ANKRD36: variants seen among roughly 807,000 people sequenced by gnomAD.
ANKRD36 encodes ankyrin repeat domain 36, also known as ankyrin repeat domain-containing protein 36A.
In ANKRD36, 179 loss-of-function variants were observed where a neutral mutation model predicts 278.1. That is an observed-to-expected ratio of 0.64 (90% confidence interval 0.57 to 0.73). The LOEUF is 0.73. Among genes scored for constraint, ANKRD36 ranks in the 30% least tolerant of loss-of-function variants. ANKRD36 has a pLI of 0.00. For synonymous variants in ANKRD36, 320 were observed against 641.1 expected (o/e 0.50, Z 7.57); for missense variants, 1,159 against 1,956.7 (o/e 0.59, Z 7.69).
At chr2:97,141,801 TA>T (rs2153449391) in intron 6 of ANKRD36, among the ~76,000 whole-genome samples, 1 of 152,018 alleles carries the variant, frequency 6.6e-6, no homozygotes, top group South Asian at 2.1e-4. Flanking sequence ...GAAACAAAAA[TA>T]ATGTTGAATT....
intron 22 of ANKRD36, among the ~76,000 whole-genome samples, chr2:97,170,206 GA>G (rs2052010390): frequency 6.6e-6 from 1 of 151,704 alleles, no homozygotes; most frequent in Admixed American, 6.6e-5. Context: ...ATGATGTTGG[GA>G]AAACTGGCTA....
intron 6 of ANKRD36, among the ~76,000 whole-genome samples, chr2:97,133,944 A>G (rs968696297): frequency 8.6e-5 from 13 of 152,044 alleles, no homozygotes; most frequent in Non-Finnish European, 1.2e-4. Context: ...CCCAAAGTCC[A>G]TAGTTTATAT....
At chr2:97,192,104 A>G (rs1446607826) in intron 36 of ANKRD36, among the ~76,000 whole-genome samples, 2 of 151,764 alleles carry the variant, frequency 1.3e-5, no homozygotes, top group Non-Finnish European at 2.9e-5. Context: ...AAAACTTAAT[A>G]ATATCTAATG....
chr2:97,196,545 T>G (rs1226681338), intron 40 of ANKRD36, 48 bp from the exon 41 acceptor site: 1 of 1,601,786 alleles, frequency 6.2e-7, no homozygotes, highest in South Asian at 1.1e-5. Context: ...TATGGATATC[T>G]TTGTCATATT....
At chr2:97,199,080 C>A (rs1477823376) in intron 44 of ANKRD36, among the ~76,000 whole-genome samples, 1 of 151,796 alleles carries the variant, frequency 6.6e-6, no homozygotes, top group Non-Finnish European at 1.5e-5. Flanking sequence ...CTAAGGAGAC[C>A]CCTGGTGTAG....
chr2:97,217,987 T>C (rs1195897798), intron 64 of ANKRD36, among the ~76,000 whole-genome samples: 1 of 152,084 alleles, frequency 6.6e-6, no homozygotes, highest in Admixed American at 6.6e-5. Context: ...CTCCAATGAC[T>C]ACTGGAATCA....
intron 66 of ANKRD36, among the ~76,000 whole-genome samples, chr2:97,220,348 T>A (rs1268176120): frequency 1.3e-5 from 2 of 149,818 alleles, no homozygotes; most frequent in Non-Finnish European, 2.9e-5. Flanking sequence ...TGTTTCTAAC[T>A]ATAGTTTGTA....
intron 40 of ANKRD36, among the ~76,000 whole-genome samples, chr2:97,195,392 G>C (rs2059484559): frequency 6.6e-6 from 1 of 151,962 alleles, no homozygotes; most frequent in South Asian, 2.1e-4. Context: ...GCAGGAATGT[G>C]GGAAAAGAGG....
intron 66 of ANKRD36, among the ~76,000 whole-genome samples, chr2:97,221,995 A>G (rs1357208875): frequency 3.0e-4 from 45 of 149,512 alleles, no homozygotes; most frequent in African/African-American, 1.0e-3. Context: ...CTTTCTACAT[A>G]TGGCTAGCCA....
intron 8 of ANKRD36, among the ~76,000 whole-genome samples, chr2:97,143,185 C>A (rs994193129): frequency 1.3e-5 from 2 of 151,750 alleles, no homozygotes; most frequent in African/African-American, 4.8e-5. Flanking sequence ...GGTGTCAGAT[C>A]AGATTGTTAA....
At chr2:97,218,461 C>T (rs1361083483) in intron 64 of ANKRD36, among the ~76,000 whole-genome samples, 2 of 149,022 alleles carry the variant, frequency 1.3e-5, no homozygotes, top group Non-Finnish European at 2.9e-5. Context: ...CAGATTATTA[C>T]ACCACATGGG....
In ANKRD36 at chr2:97,122,999, G is replaced by C; in HGVS notation, c.593+6G>C. The stretch of plus-strand genomic sequence containing the variant: ...GCCATTGATTATCTTGGCAGGTACA[G>C]ACCTTAGTTCTTATTGTGTCGTTTT... On this transcript the variant is annotated splice_donor_region_variant and intron_variant, in intron 4 of 75. Coordinates refer to ENST00000420699, the MANE Select transcript of ANKRD36 (RefSeq NM_001354587.1). 6.5e-7 allele frequency: 1 copy of C among 1,532,250 alleles called. No individual in the cohort carries two copies. The highest frequency in any genetic ancestry group is 2.5e-5 in the East Asian group (1 of 40,120). The allele number at this position is 1,532,250 out of a possible 1,614,324, so 94.9% of individuals were successfully genotyped here.
intron 40 of ANKRD36, among the ~76,000 whole-genome samples, chr2:97,195,256 A>G (rs1314085274): frequency 1.3e-5 from 2 of 151,974 alleles, no homozygotes; most frequent in East Asian, 3.9e-4. Flanking sequence ...CAGATTTTAC[A>G]GACGTCACAT....
intron 26 of ANKRD36, 98 bp downstream of exon 26, chr2:97,181,891 A>G (rs1401790539): frequency 8.7e-7 from 1 of 1,153,388 alleles, no homozygotes; most frequent in East Asian, 2.4e-5. Context: ...GAAGCTGCAC[A>G]TTCTGATTCA....
chr2:97,206,057 A>G lies in ANKRD36; in HGVS notation c.3091-6A>G, dbSNP rs1461109440. 1 of 1,550,066 alleles carries G rather than the reference A, an allele frequency of 6.5e-7. No individual in the cohort carries two copies. The highest frequency in any genetic ancestry group is 2.4e-5 in the East Asian group (1 of 41,476). ...TATTTATTATTTTGTTTCAAATTCC[A>G]TTCAGGCTACAAGTGATGAGGAAGA... On this transcript the variant is annotated splice_polypyrimidine_tract_variant and splice_region_variant and intron_variant, in intron 51 of 75. Coordinates refer to ENST00000420699, the MANE Select transcript of ANKRD36 (RefSeq NM_001354587.1).
At chr2:97,117,273 A>G (rs935507623) in intron 1 of ANKRD36, among the ~76,000 whole-genome samples, 1 of 151,832 alleles carries the variant, frequency 6.6e-6, no homozygotes, top group African/African-American at 2.4e-5. Context: ...TTGAAGTGAG[A>G]ATTACTTTGT....
chr2:97,197,912 G>T (rs1442226645), intron 42 of ANKRD36, among the ~76,000 whole-genome samples: 2 of 151,882 alleles, frequency 1.3e-5, no homozygotes, highest in African/African-American at 4.8e-5. Flanking sequence ...TTATCTACTA[G>T]ATATCTGCAA....
At chr2:97,202,102 A>G in intron 46 of ANKRD36, 100 bp from the exon 47 acceptor site, 1 of 1,578,784 alleles carries the variant, frequency 6.3e-7, no homozygotes, top group Non-Finnish European at 8.6e-7. Flanking sequence ...CTATGCTAAT[A>G]CAGGCAGGAG....
chr2:97,211,841 C>G lies in ANKRD36; in HGVS notation c.3469+100C>G, dbSNP rs2064735417. On this transcript the variant is annotated intron_variant, in intron 58 of 75. Transcript: ENST00000420699. Reference sequence around the variant, plus strand: ...GGGGGGTTCGTCAAGCCTTCATGTTCTGCTTCAGTATTCCTGAGATTATTC... The same window carrying G: ...GGGGGGTTCGTCAAGCCTTCATGTTGTGCTTCAGTATTCCTGAGATTATTC... The G allele has an allele frequency of 6.7e-6, 9 of 1,349,696 alleles. No homozygotes were observed. In the South Asian group the frequency reaches 1.3e-4, roughly 19 times the overall value. 83.6% of individuals were successfully genotyped at this position (1,349,696 alleles called of 1,614,324 possible).
Sources: gnomAD v4.1 joint callset for allele counts (sites outside exome capture counted in the v4.1 genomes callset) on GRCh38, gnomAD v4.1.1 for gene constraint, MANE v1.5 for transcripts, NCBI Gene and HGNC (gene_info 2026-07-23, HGNC 2026-07-21) for gene names.